DHRSX: variants seen among roughly 807,000 people sequenced by gnomAD.
The protein encoded by DHRSX is polyprenol dehydrogenase.
Under a neutral mutation model 34.0 loss-of-function variants are expected in DHRSX, and 31 were observed. That is an observed-to-expected ratio of 0.91 (90% CI 0.69 to 1.23). The LOEUF (loss-of-function observed/expected upper bound fraction) is 1.23. Among genes scored for constraint, DHRSX ranks in the 50% most tolerant of loss-of-function variants. The pLI is 0.00. For synonymous variants in DHRSX, 201 were observed against 183.8 expected, an observed-to-expected ratio of 1.09 and a Z score of -0.76; for missense variants, 414 against 428.1, an observed-to-expected ratio of 0.97 and a Z score of 0.29.
At chrX:2,261,665 G>C (rs1444501897) in intron 5 of DHRSX, 9 of 152,008 alleles carry the variant, frequency 5.9e-5, no homozygotes, top group Admixed American at 4.6e-4. Flanking sequence ...CCAGCTGCTT[G>C]GGAGTCGAGG....
intron 2 of DHRSX, among the ~76,000 whole-genome samples, chrX:2,423,732 T>A (rs1409543752): frequency 6.6e-6 from 1 of 151,774 alleles, no homozygotes; most frequent in Non-Finnish European, 1.5e-5. Flanking sequence ...CTCTCTCCCC[T>A]CCTCCCCGCC....
At chrX:2,310,698 CAGAG>C (rs776941253) in intron 3 of DHRSX, among the ~76,000 whole-genome samples, 12 of 150,854 alleles carry the variant, frequency 8.0e-5, no homozygotes, top group Admixed American at 1.3e-4. Flanking sequence ...AGGAAAGAGA[CAGAG>C]AGAAAGATTG....
chrX:2,268,369 C>G (rs1034072319), intron 4 of DHRSX, among the ~76,000 whole-genome samples: 16 of 152,210 alleles, frequency 1.1e-4, no homozygotes, highest in Admixed American at 3.9e-4. Flanking sequence ...TATACATAGG[C>G]ATGTTATATA....
intron 1 of DHRSX, among the ~76,000 whole-genome samples, chrX:2,492,136 A>G (rs887529569): frequency 6.6e-6 from 1 of 152,232 alleles, no homozygotes; most frequent in African/African-American, 2.4e-5. Context: ...CTCCCCTACC[A>G]AAGAAAATCT....
At chrX:2,392,849 T>C (rs1160074632) in intron 3 of DHRSX, among the ~76,000 whole-genome samples, 1 of 141,198 alleles carries the variant, frequency 7.1e-6, no homozygotes, top group East Asian at 2.0e-4. Context: ...TATCATTATA[T>C]ATTTATGTAA....
intron 3 of DHRSX, among the ~76,000 whole-genome samples, chrX:2,395,537 T>A (rs1482810551): frequency 6.6e-6 from 1 of 152,106 alleles, no homozygotes; most frequent in African/African-American, 2.4e-5. Flanking sequence ...CTTGGAAACA[T>A]GTAGCGCCTC....
At chrX:2,345,658 A>G in intron 3 of DHRSX, among the ~76,000 whole-genome samples, 1 of 138,582 alleles carries the variant, frequency 7.2e-6, no homozygotes, top group South Asian at 2.1e-4. Context: ...TCTGTCTCAA[A>G]AAAAAAAAAA....
At chrX:2,303,274 C>G (rs995186302) in intron 3 of DHRSX, among the ~76,000 whole-genome samples, 4 of 152,074 alleles carry the variant, frequency 2.6e-5, no homozygotes, top group African/African-American at 9.7e-5. Context: ...GTGTCCCCAC[C>G]CAAATCTCAT....
rs1471639116 is a variant in DHRSX at position 2,254,123 on chromosome X, C to T, written c.597-10893G>A. Among the ~76,000 whole-genome samples the T allele has an allele frequency of 2.0e-5, 3 of 152,042 alleles. No homozygotes were observed. The East Asian group carries it at 5.8e-4, about 29-fold the overall frequency. On this transcript the variant is annotated intron_variant, in intron 5 of 6. Transcript: ENST00000334651. ...TGTGATGGATACTGTAGGATGTAAACGTGTCATATCTCGGTCTCCCAACAG... is the reference window on the plus strand; with the variant it reads ...TGTGATGGATACTGTAGGATGTAAATGTGTCATATCTCGGTCTCCCAACAG...
At chrX:2,398,667 T>C (rs1332687294) in intron 3 of DHRSX, among the ~76,000 whole-genome samples, 1 of 129,870 alleles carries the variant, frequency 7.7e-6, no homozygotes, top group Non-Finnish European at 1.5e-5. Flanking sequence ...TAAATGCATA[T>C]TCCTTTTTTT....
chrX:2,309,040 T>C (rs1482043023), intron 3 of DHRSX, among the ~76,000 whole-genome samples: 1 of 152,152 alleles, frequency 6.6e-6, no homozygotes, highest in Non-Finnish European at 1.5e-5. Context: ...ATCCTGATAA[T>C]ATGTTACATT....
At chrX:2,467,652 T>A (rs780705660) in intron 1 of DHRSX, among the ~76,000 whole-genome samples, 44 of 152,248 alleles carry the variant, frequency 2.9e-4, no homozygotes, top group African/African-American at 1.0e-3. Context: ...AAACAGTTTA[T>A]CTGTGAGTTG....
chrX:2,467,919 C>T (rs1274996853), intron 1 of DHRSX, among the ~76,000 whole-genome samples: 1 of 149,822 alleles, frequency 6.7e-6, no homozygotes, highest in African/African-American at 2.5e-5. Flanking sequence ...GCTGAGATCA[C>T]ACCACTGCAC....
At chrX:2,353,810 C>T (rs1421206001) in intron 3 of DHRSX, among the ~76,000 whole-genome samples, 1 of 151,946 alleles carries the variant, frequency 6.6e-6, no homozygotes, top group Non-Finnish European at 1.5e-5. Context: ...GTCTCGAACT[C>T]CTGACCTCAG....
intron 3 of DHRSX, among the ~76,000 whole-genome samples, chrX:2,370,590 G>GAAA (rs59435030): frequency 3.8e-5 from 5 of 132,680 alleles, no homozygotes; most frequent in African/African-American, 6.0e-5. Flanking sequence ...TGGTTTTACT[G>GAAA]AAAAAAAAAA....
At chrX:2,324,946 GTTT>G (rs777086783) in intron 3 of DHRSX, among the ~76,000 whole-genome samples, 16 of 137,892 alleles carry the variant, frequency 1.2e-4, no homozygotes, top group Non-Finnish European at 1.2e-4. Context: ...TTTTTGTTTT[GTTT>G]TTTTTTTTTT....
chrX:2,437,859 G>A (rs2044013977), intron 1 of DHRSX, among the ~76,000 whole-genome samples: 1 of 151,920 alleles, frequency 6.6e-6, no homozygotes, highest in Admixed American at 6.6e-5. Flanking sequence ...AAGAAAGACC[G>A]TGTCACTCAA....
Position 2,220,801 on chromosome X carries a change from C to T in DHRSX, c.*240G>A, listed in dbSNP as rs2015503460. ...TAATTATTTATGGCACCTGTGACAA[C>T]TGGGCACTTTGGAATCACAAAGTTT... is the stretch of plus-strand genomic sequence containing the variant. On this transcript the variant is annotated 3_prime_UTR_variant, in exon 7 of 7. Coordinates refer to ENST00000334651, the MANE Select transcript of DHRSX (RefSeq NM_145177.3). The T allele has an allele frequency of 6.2e-6, 3 of 481,176 alleles. No homozygotes were observed. The highest frequency in any genetic ancestry group is 1.1e-5 in the Non-Finnish European group (3 of 271,462). 29.8% of individuals were successfully genotyped at this position (481,176 alleles called of 1,614,324 possible).
intron 1 of DHRSX, among the ~76,000 whole-genome samples, chrX:2,436,461 ATAT>A (rs1236612938): frequency 5.4e-4 from 70 of 129,270 alleles, no homozygotes; most frequent in African/African-American, 1.2e-3. Context: ...TTGCAGCAAC[ATAT>A]TATTATTATT....
Sources: allele counts gnomAD v4.1 joint callset (sites outside exome capture counted in the v4.1 genomes callset), GRCh38; gene constraint gnomAD v4.1.1; transcripts MANE v1.5; gene names NCBI Gene and HGNC (gene_info 2026-07-23, HGNC 2026-07-21).